Variants in MGAT5 observed in about 807,000 individuals in gnomAD.
The protein encoded by MGAT5 is alpha-1,6-mannosylglycoprotein 6-beta-N-acetylglucosaminyltransferase A.
A neutral mutation model predicts 94.3 loss-of-function variants in MGAT5; 30 were observed. The ratio of observed to expected loss-of-function variants is 0.32; its 90% CI spans 0.24 to 0.43. The LOEUF (loss-of-function observed/expected upper bound fraction) is 0.43. Among genes scored for constraint, MGAT5 ranks in the 20% least tolerant of loss-of-function variants. MGAT5 has a pLI of 1.00. For missense variants in MGAT5, 691 were observed against 905.5 expected (o/e 0.76, Z 3.04); for synonymous variants, 310 against 322.9 (o/e 0.96, Z 0.43).
At position 134,160,962 on chromosome 2, in the gene MGAT5, C is replaced by T. The variant is rs115257047; in HGVS notation, c.-143+40671C>T. 7.6e-3 allele frequency among the ~76,000 whole-genome samples: 1,165 copies of T among 152,300 alleles called. 11 individuals are homozygous for T. The highest frequency in any genetic ancestry group is 0.026 in the African/African-American group (1,068 of 41,544). On this transcript the variant is annotated intron_variant, in intron 1 of 16. Coordinates refer to the MGAT5 transcript ENST00000409645. ...AACTTCAGGCTAGGATCTGCCAGGA[C>T]GATCTAAGCAGACTTAATAGTTTTA...
chr2:134,247,557 T>G (rs1213758023), intron 1 of MGAT5, among the ~76,000 whole-genome samples: 1 of 152,154 alleles, frequency 6.6e-6, no homozygotes, highest in Non-Finnish European at 1.5e-5. Flanking sequence ...GTCAAACTTT[T>G]TTTGAAAAAT....
intron 2 of MGAT5, among the ~76,000 whole-genome samples, chr2:134,311,619 C>T (rs559162302): frequency 1.3e-5 from 2 of 152,192 alleles, no homozygotes; most frequent in Non-Finnish European, 2.9e-5. Context: ...GAGATTCTTA[C>T]ACATGGTACC....
At chr2:134,357,028 C>T (rs1679787323) in intron 9 of MGAT5, among the ~76,000 whole-genome samples, 1 of 152,172 alleles carries the variant, frequency 6.6e-6, no homozygotes, top group East Asian at 1.9e-4. Context: ...GAATCTGAGA[C>T]ATATAATGGC....
chr2:134,371,998 C>G (rs942748712), intron 10 of MGAT5, among the ~76,000 whole-genome samples: 3 of 150,366 alleles, frequency 2.0e-5, no homozygotes, highest in African/African-American at 7.4e-5. Flanking sequence ...GGAACTTGTT[C>G]AGCATCCACA....
upstream of MGAT5, among the ~76,000 whole-genome samples, chr2:134,249,969 A>T (rs1682498357): frequency 6.6e-6 from 1 of 152,160 alleles, no homozygotes; most frequent in Admixed American, 6.5e-5. Context: ...TTAGTATCTC[A>T]TTGTGGTTTT....
intron 4 of MGAT5, among the ~76,000 whole-genome samples, chr2:134,334,496 C>CTTTTTT (rs59933611): frequency 0.052 from 1,787 of 34,124 alleles, 382 homozygotes; most frequent in Middle Eastern, 0.15. Context: ...CTTGCTCATC[C>CTTTTTT]TTTTTTTTTT....
intron 1 of MGAT5, among the ~76,000 whole-genome samples, chr2:134,186,263 A>C (rs1386582988): frequency 6.6e-6 from 1 of 152,220 alleles, no homozygotes; most frequent in Non-Finnish European, 1.5e-5. Flanking sequence ...GATGGAACAC[A>C]CTGTGCTGTC....
At chr2:134,291,016 G>A (rs1052757048) in intron 2 of MGAT5, among the ~76,000 whole-genome samples, 13 of 152,110 alleles carry the variant, frequency 8.5e-5, no homozygotes, top group African/African-American at 3.1e-4. Flanking sequence ...TTCTAGCAAA[G>A]GAGACTGGCC....
intron 2 of MGAT5, among the ~76,000 whole-genome samples, chr2:134,276,370 A>G (rs1684374472): frequency 6.6e-6 from 1 of 152,228 alleles, no homozygotes; most frequent in South Asian, 2.1e-4. Flanking sequence ...TGAAAGGACC[A>G]CTAATTCCGG....
At chr2:134,380,342 A>G (rs1455264467) in intron 10 of MGAT5, among the ~76,000 whole-genome samples, 2 of 152,230 alleles carry the variant, frequency 1.3e-5, no homozygotes, top group East Asian at 3.8e-4. Flanking sequence ...TATTTGCACC[A>G]CATACTTATT....
intron 2 of MGAT5, among the ~76,000 whole-genome samples, chr2:134,290,687 A>G (rs1328788178): frequency 1.2e-4 from 19 of 152,212 alleles, no homozygotes; most frequent in Admixed American, 9.8e-4. Flanking sequence ...GATTGCTGTG[A>G]CAGAGGGGCT....
Position 134,349,838 on chromosome 2 carries a change from T to C in MGAT5, c.1146T>C (p.Thr382=), listed in dbSNP as rs1217439811. The stretch of plus-strand genomic sequence containing the variant: ...TCCGAGTCCTTGATTCATTTGGTAC[T>C]GAACCCGAATTTAATCATGCAAATT... The part of the protein sequence containing the change: ...CMLRVLDSFG[T]EPEFNHANYA... The change falls in exon 9 of 16, where the codon ACT becomes ACC. Residue 382 remains threonine (T), a synonymous_variant. Transcript: ENST00000281923. The C allele has an allele frequency of 2.5e-6, 4 of 1,613,510 alleles. No individual in the cohort carries two copies. The Admixed American group carries it at 6.7e-5, about 27-fold the overall frequency.
chr2:134,167,299 T>C (rs1264713136), intron 1 of MGAT5, among the ~76,000 whole-genome samples: 2 of 152,208 alleles, frequency 1.3e-5, no homozygotes, highest in East Asian at 3.8e-4. Context: ...CATCATCCTA[T>C]AGCAGGTTTC....
intron 2 of MGAT5, among the ~76,000 whole-genome samples, chr2:134,296,074 A>G (rs922837968): frequency 4.6e-5 from 7 of 152,132 alleles, no homozygotes; most frequent in African/African-American, 1.7e-4. Flanking sequence ...AAATACTGTG[A>G]TCTTGGCGGT....
intron 1 of MGAT5, among the ~76,000 whole-genome samples, chr2:134,182,788 T>G (rs1004502145): frequency 2.8e-5 from 4 of 142,386 alleles, no homozygotes; most frequent in East Asian, 2.0e-4. Context: ...TAGTTTTTTT[T>G]TTTTTTTTTT....
intron 1 of MGAT5, among the ~76,000 whole-genome samples, chr2:134,215,715 G>T (rs572244640): frequency 8.5e-5 from 13 of 152,156 alleles, no homozygotes; most frequent in African/African-American, 3.1e-4. Flanking sequence ...CCAAACCATA[G>T]CAAGTATATA....
chr2:134,173,634 T>C (rs1477730212), intron 1 of MGAT5, among the ~76,000 whole-genome samples: 2 of 152,196 alleles, frequency 1.3e-5, no homozygotes, highest in Non-Finnish European at 2.9e-5. Context: ...GCATGTCATA[T>C]ACCTAGCTGC....
chr2:134,303,850 G>A (rs192101568), intron 2 of MGAT5, among the ~76,000 whole-genome samples: 37 of 152,286 alleles, frequency 2.4e-4, no homozygotes, highest in African/African-American at 8.2e-4. Context: ...CAGTGAGACT[G>A]TAGCCTTTTG....
At chr2:134,391,087 G>A (rs1192682938) in intron 10 of MGAT5, among the ~76,000 whole-genome samples, 1 of 152,180 alleles carries the variant, frequency 6.6e-6, no homozygotes, top group Non-Finnish European at 1.5e-5. Context: ...AATCAAGTAA[G>A]AGGAGGGGAC....
Sources: gnomAD v4.1 joint callset for allele counts (sites outside exome capture counted in the v4.1 genomes callset) on GRCh38, gnomAD v4.1.1 for gene constraint, MANE v1.5 for transcripts, NCBI Gene and HGNC (gene_info 2026-07-23, HGNC 2026-07-21) for gene names.